The following NOTCH2 variants were observed in gnomAD, a reference collection of about 807,000 sequenced individuals.
NOTCH2 encodes the protein notch receptor 2.
A neutral mutation model predicts 235.8 loss-of-function variants in NOTCH2; 29 were observed. That is an observed-to-expected ratio of 0.12 (90% CI 0.09 to 0.17). NOTCH2 has a LOEUF of 0.17. NOTCH2 is among the 10% of genes least tolerant of loss of function. The pLI, the probability that NOTCH2 is intolerant of heterozygous loss-of-function variation, is 1.00. For synonymous variants in NOTCH2, 1,086 were observed against 1,141.5 expected, an observed-to-expected ratio of 0.95 and a Z score of 0.98; for missense variants, 2,285 against 3,150.2, an observed-to-expected ratio of 0.73 and a Z score of 6.57.
At chr1:119,921,655 A>C in intron 29 of NOTCH2, 58 bp downstream of exon 29, 2 of 1,446,512 alleles carry the variant, frequency 1.4e-6, no homozygotes, top group Non-Finnish European at 9.7e-7. Context: ...AAAGGACAGA[A>C]ATTTGAAATG....
Position 119,925,613 on chromosome 1 carries a change from C to G in NOTCH2, c.4203G>C (p.Gln1401His), listed in dbSNP as rs2101162587. Residue 1401 changes from glutamine to histidine, a missense_variant, in exon 25 of 34, where the codon CAG (glutamine) becomes CAC (histidine). By Grantham distance (24) the Gln-to-His change is conservative. This residue lies in a region of NOTCH2 where 1,173 missense variants were observed against 1,515.3 expected (regional missense o/e 0.77). Coordinates refer to ENST00000256646, the MANE Select transcript of NOTCH2 (RefSeq NM_024408.4). ...GGCTACCCGAGAATGGTGGGGCACA[C>G]TGGCAGGAGTAATAAGGAGGCTGGC... ...PQRQPPYYSC[Q>H]CAPPFSGSRC... The G allele has an allele frequency of 6.2e-7, 1 of 1,614,066 alleles. No homozygotes were observed. Among genetic ancestry groups the G allele is most frequent in the Non-Finnish European group, 8.5e-7 (1 of 1,179,996 alleles).
rs587610159 is a variant in NOTCH2, at chr1:119,925,701, C to T, written c.4115G>A (p.Arg1372Gln). ...ACTGGCACAGCCTGACTCGCAGTCC[C>T]GGGGACTGGGGCAGAAGCAGCGGGG... The part of the protein sequence containing the change: ...SGPRCFCPSP[R>Q]DCESGCASSP... The change falls in exon 25 of 34, where the codon CGG becomes CAG. Residue 1372 changes from arginine to glutamine, a missense_variant. This residue lies in a region of NOTCH2 where 1,173 missense variants were observed against 1,515.3 expected (regional missense o/e 0.77). Transcript: ENST00000256646. The T allele has an allele frequency of 3.8e-5, 61 of 1,612,746 alleles. 1 individual carries two copies. The Middle Eastern group carries it at 9.9e-4, about 26-fold the overall frequency.
chr1:119,919,617 T>C lies in NOTCH2; in HGVS notation c.5480-4A>G. ...AACATCAATGGGGTGCAGCCATCTG[T>C]AGGAATGGAAAATTCCATAAAGTAC... On this transcript the variant is annotated splice_polypyrimidine_tract_variant and splice_region_variant and intron_variant, in intron 30 of 33. Transcript: ENST00000256646. The C allele has an allele frequency of 1.2e-6, 2 of 1,613,712 alleles. No individual in the cohort carries two copies. The highest frequency in any genetic ancestry group is 1.7e-5 in the Admixed American group (1 of 59,972).
At chr1:120,035,781 AT>A (rs1235072071) in intron 1 of NOTCH2, among the ~76,000 whole-genome samples, 1 of 52,292 alleles carries the variant, frequency 1.9e-5, no homozygotes, top group Non-Finnish European at 3.9e-5. Flanking sequence ...TTTTCTGAGT[AT>A]TTGAAGCAAT....
chr1:119,921,145 A>G (rs1379472256), intron 29 of NOTCH2, among the ~76,000 whole-genome samples: 1 of 152,218 alleles, frequency 6.6e-6, no homozygotes, highest in African/African-American at 2.4e-5. Flanking sequence ...CTTCTTAACC[A>G]TCATGCTCCA....
chr1:119,974,636 A>G (rs1364092415), intron 5 of NOTCH2, among the ~76,000 whole-genome samples: 1 of 152,168 alleles, frequency 6.6e-6, no homozygotes, highest in African/African-American at 2.4e-5. Context: ...GATTCCTCAA[A>G]CATTAAGTTC....
intron 1 of NOTCH2, among the ~76,000 whole-genome samples, chr1:120,067,559 T>C (rs1199727790): frequency 6.6e-6 from 1 of 152,216 alleles, no homozygotes; most frequent in Non-Finnish European, 1.5e-5. Flanking sequence ...AGGTTATTCC[T>C]TTAGTCCTGC....
chr1:119,916,592 G>A lies in NOTCH2; in HGVS notation c.6130C>T (p.Arg2044Cys), dbSNP rs1221302379. The A allele has an allele frequency of 3.1e-6, 5 of 1,614,174 alleles. No homozygotes were observed. Among genetic ancestry groups the A allele is most frequent in the Admixed American group, 1.7e-5 (1 of 60,016 alleles). ...ANRDITDHMD[R>C]LPRDVARDRM... is the part of the protein sequence containing the mutation. ...TCCCGAGCCACATCCCGGGGAAGAC[G>A]ATCCATATGGTCTGTGATGTCTCGA... Residue 2044 changes from arginine (R) to cysteine (C), a missense_variant, in exon 34 of 34, where the codon CGT (arginine) becomes TGT (cysteine). Physicochemically the swap from Arg to Cys is radical, Grantham distance 180. This residue lies in a region of NOTCH2 where 128 missense variants were observed against 255.9 expected (regional missense o/e 0.50). Coordinates refer to ENST00000256646, the MANE Select transcript of NOTCH2 (RefSeq NM_024408.4).
rs1553198256 is a variant in NOTCH2 at position 119,955,144 on chromosome 1, G to A, written c.2115C>T (p.Arg705=). ...GATGGGGTCCCTCGGGGCATATACA[G>A]CGGAAACCATTCACACCGTTGATAC... ...ATCINGVNGF[R]CICPEGPHHP... is the part of the protein sequence containing the mutation. Residue 705 remains arginine (R), a synonymous_variant, in exon 13 of 34, where the codon CGC becomes CGT. Transcript: ENST00000256646. 1.9e-6 allele frequency: 3 copies of A among 1,614,174 alleles called. No individual in the cohort carries two copies. The highest frequency in any genetic ancestry group is 2.5e-6 in the Non-Finnish European group (3 of 1,180,024).
At position 119,932,607 on chromosome 1, in the gene NOTCH2, A is replaced by ATATCTATCTATC. The variant is rs61476083; in HGVS notation, c.3655+2853_3655+2864dup. On this transcript the variant is annotated intron_variant, in intron 22 of 33. Transcript: ENST00000256646. ...CATCTCAAAACAAACAAACAAACAA[A>ATATCTATCTATC]TATCTATCTATCTATCTATCTATCT... Among the ~76,000 whole-genome samples the ATATCTATCTATC allele has an allele frequency of 8.5e-4, 126 of 148,458 alleles. 1 individual carries two copies. The highest frequency in any genetic ancestry group is 1.6e-3 in the East Asian group (8 of 4,980).
At chr1:119,930,398 T>C (rs1478469399) in intron 22 of NOTCH2, among the ~76,000 whole-genome samples, 1 of 150,798 alleles carries the variant, frequency 6.6e-6, no homozygotes, top group Non-Finnish European at 1.5e-5. Context: ...ATGAGCCATC[T>C]AGTATGAATA....
In NOTCH2 at chr1:119,916,433, T is replaced by C. The variant is rs1649073738; in HGVS notation, c.6289A>G (p.Thr2097Ala). The change falls in exon 34 of 34, where the codon ACC (threonine) becomes GCC (alanine). Residue 2097 changes from threonine (T) to alanine (A), a missense_variant. Transcript: ENST00000256646. Reference protein sequence around the residue: ...PNRSFLSLKHTPMGKKSRRPS... With the variant: ...PNRSFLSLKHAPMGKKSRRPS... ...CGTCTAGACTTCTTGCCCATTGGGG[T>C]GTGCTTCAGGCTGAGGAAAGATCTG... 2 of 1,613,870 alleles carry C rather than the reference T, an allele frequency of 1.2e-6. No homozygotes were observed. The highest frequency in any genetic ancestry group is 8.5e-7 in the Non-Finnish European group (1 of 1,179,970).
rs782391703 is a variant in NOTCH2, at chr1:119,940,561, G to A, written c.3177C>T (p.Asn1059=). 1.2e-6 allele frequency: 2 copies of A among 1,613,412 alleles called. No individual in the cohort carries two copies. The highest frequency in any genetic ancestry group is 1.7e-5 in the Admixed American group (1 of 60,004). Residue 1059 remains asparagine (N), a synonymous_variant, in exon 19 of 34, where the codon AAC becomes AAT. Transcript: ENST00000256646. ...TGGGAAGGAAGTCAATTACCTGACA[G>A]TTTTTCCCAGTGTAGCCCAGGGGGC... ...CSCPLGYTGK[N]CQTLVNLCSR...
At chr1:119,922,114 A>G (rs1033135783) in intron 28 of NOTCH2, 122 bp downstream of exon 28, 2 of 1,121,748 alleles carry the variant, frequency 1.8e-6, no homozygotes, top group Non-Finnish European at 2.6e-6. Context: ...GGCATTTAGA[A>G]TCATGGTCAA....
At chr1:119,930,982 A>T (rs587637114) in intron 22 of NOTCH2, among the ~76,000 whole-genome samples, 2 of 151,026 alleles carry the variant, frequency 1.3e-5, no homozygotes, top group South Asian at 4.2e-4. Context: ...GGGCGCTTGT[A>T]GTCCCAGCTA....
chr1:119,928,788 G>A (rs1180661399), intron 23 of NOTCH2, among the ~76,000 whole-genome samples, 188 bp downstream of exon 23: 1 of 152,118 alleles, frequency 6.6e-6, no homozygotes, highest in Non-Finnish European at 1.5e-5. Context: ...AAAAATTAAA[G>A]GTAGACACTG....
chr1:119,999,751 G>T (rs149708445), intron 3 of NOTCH2, among the ~76,000 whole-genome samples: 1 of 151,978 alleles, frequency 6.6e-6, no homozygotes, highest in Admixed American at 6.6e-5. Context: ...GCTTTATGGC[G>T]CATGCCTGTA....
intron 5 of NOTCH2, among the ~76,000 whole-genome samples, chr1:119,978,253 A>C (rs1366061979): frequency 6.6e-6 from 1 of 152,124 alleles, no homozygotes; most frequent in Non-Finnish European, 1.5e-5. Context: ...CAATGAAAAA[A>C]AATTCTTGTG....
intron 7 of NOTCH2, among the ~76,000 whole-genome samples, 194 bp from the exon 8 acceptor site, chr1:119,967,815 A>G (rs1334630150): frequency 6.6e-6 from 1 of 152,204 alleles, no homozygotes; most frequent in Non-Finnish European, 1.5e-5. Context: ...CATTTCTGCT[A>G]TTGCAGTTTC....
Sources: gnomAD v4.1 joint callset for allele counts (sites outside exome capture counted in the v4.1 genomes callset) on GRCh38, gnomAD v4.1.1 for gene constraint, gnomAD v4.1.1 regional missense constraint, MANE v1.5 for transcripts, NCBI Gene and HGNC (gene_info 2026-07-23, HGNC 2026-07-21) for gene names.